The following PALD1 variants were observed in gnomAD, a reference collection of about 807,000 sequenced individuals.
PALD1 encodes phosphatase domain containing paladin 1.
In PALD1, 57 loss-of-function variants were observed where a neutral mutation model predicts 96.0. The ratio of observed to expected loss-of-function variants is 0.59; its 90% CI spans 0.48 to 0.74. The LOEUF is 0.74. Ranked by LOEUF, PALD1 falls within the 30% of genes least tolerant of loss-of-function variation. The pLI is 0.00. For synonymous variants in PALD1, 464 were observed against 473.6 expected (o/e 0.98, Z 0.26); for missense variants, 1,063 against 1,143.7 (o/e 0.93, Z 1.02).
chr10:70,508,818 TGC>T (rs1491085634), intron 1 of PALD1, among the ~76,000 whole-genome samples: 22 of 117,026 alleles, frequency 1.9e-4, no homozygotes, highest in East Asian at 5.0e-4. Context: ...TGTGTGTGTG[TGC>T]AGGCCTGTGG....
chr10:70,560,001 G>A (rs894814357), intron 18 of PALD1, among the ~76,000 whole-genome samples: 4 of 152,194 alleles, frequency 2.6e-5, no homozygotes, highest in African/African-American at 9.7e-5. Context: ...GGAGAAGGGG[G>A]AGGTGTAAAC....
At chr10:70,542,856 C>T (rs534934961) in intron 17 of PALD1, among the ~76,000 whole-genome samples, 2 of 152,234 alleles carry the variant, frequency 1.3e-5, no homozygotes, top group South Asian at 4.2e-4. Flanking sequence ...TGCTGTTTGC[C>T]GCAGTATATG....
chr10:70,462,912 G>A, the PALD1 span, among the ~76,000 whole-genome samples: 1 of 152,212 alleles, frequency 6.6e-6, no homozygotes, highest in African/African-American at 2.4e-5. Context: ...CCCAGCCCTG[G>A]GAACTGGGAG....
chr10:70,524,639 C>T (rs1313712326), intron 1 of PALD1, among the ~76,000 whole-genome samples: 1 of 152,210 alleles, frequency 6.6e-6, no homozygotes, highest in Non-Finnish European at 1.5e-5. Flanking sequence ...CATCCTGATG[C>T]CCTTTCGTGA....
At chr10:70,564,667 G>C (rs1018897642) in intron 19 of PALD1, 148 bp downstream of exon 19, 1 of 729,278 alleles carries the variant, frequency 1.4e-6, no homozygotes, top group Admixed American at 2.8e-5. Context: ...GGAGGCTTCT[G>C]TTTGGCCAAG....
Position 70,564,463 on chromosome 10 carries a change from C to T in PALD1, c.2362C>T (p.Leu788Phe), listed in dbSNP as rs1456291264. 3 of 1,614,160 alleles carry T rather than the reference C, an allele frequency of 1.9e-6. No individual in the cohort carries two copies. Among genetic ancestry groups the T allele is most frequent in the Non-Finnish European group, 2.5e-6 (3 of 1,180,018 alleles). Residue 788 changes from leucine to phenylalanine, a missense_variant, in exon 19 of 20, where the codon CTC becomes TTC. Transcript: ENST00000263563. ...CTGCCTGATTCTCTTCAACGCGTAC[C>T]TCCACCTGGAGAAGGCCGACTCCTG... Reference protein sequence around the residue: ...YVCLILFNAYLHLEKADSWQR... With the variant: ...YVCLILFNAYFHLEKADSWQR...
At chr10:70,461,794 T>C in the PALD1 span, among the ~76,000 whole-genome samples, 1 of 152,146 alleles carries the variant, frequency 6.6e-6, no homozygotes, top group Non-Finnish European at 1.5e-5. Context: ...TTGTTTTTTG[T>C]TTTTGTTTTC....
At chr10:70,511,682 G>A (rs755101749) in intron 1 of PALD1, among the ~76,000 whole-genome samples, 1 of 152,198 alleles carries the variant, frequency 6.6e-6, no homozygotes, top group African/African-American at 2.4e-5. Flanking sequence ...GAAGGCAGAA[G>A]GGCAGGTGAG....
rs751860432 is a variant in PALD1, at chr10:70,566,743, C to A, written c.*10C>A. 5.1e-6 allele frequency: 8 copies of A among 1,563,542 alleles called. No individual in the cohort carries two copies. The African/African-American group carries it at 8.1e-5, about 16-fold the overall frequency. On this transcript the variant is annotated 3_prime_UTR_variant, in exon 20 of 20. Transcript: ENST00000263563. ...CGAGGACTTGCTGTAGGGGGCCTTA[C>A]TCCCTGTCCCCCCACCCACAGGGCC...
At chr10:70,562,452 G>A (rs879704527) in intron 18 of PALD1, among the ~76,000 whole-genome samples, 11 of 152,232 alleles carry the variant, frequency 7.2e-5, no homozygotes, top group Admixed American at 2.0e-4. Context: ...ACTGTGCCAC[G>A]TCTGAGGCCG....
intron 1 of PALD1, among the ~76,000 whole-genome samples, chr10:70,516,743 C>T (rs1340454299): frequency 6.6e-6 from 1 of 151,710 alleles, no homozygotes; most frequent in African/African-American, 2.4e-5. Flanking sequence ...CTATCTTTGG[C>T]AGAGACAGCG....
chr10:70,463,669 C>CAA, the PALD1 span, among the ~76,000 whole-genome samples: 1 of 150,998 alleles, frequency 6.6e-6, no homozygotes, highest in South Asian at 2.1e-4. Flanking sequence ...AACAAACAGG[C>CAA]AAAAAAAACC....
At chr10:70,474,866 G>A (rs572643463), upstream of PALD1, among the ~76,000 whole-genome samples, 1 of 152,292 alleles carries the variant, frequency 6.6e-6, no homozygotes, top group African/African-American at 2.4e-5. Flanking sequence ...GCAGGGAAGG[G>A]AGGGGAAGGA....
chr10:70,458,748 C>G, the PALD1 span, among the ~76,000 whole-genome samples: 1 of 152,230 alleles, frequency 6.6e-6, no homozygotes, highest in African/African-American at 2.4e-5. Context: ...TTACCCAGGG[C>G]TCTGCCCTCA....
At chr10:70,550,445 C>T (rs1005249215) in intron 18 of PALD1, among the ~76,000 whole-genome samples, 3 of 152,090 alleles carry the variant, frequency 2.0e-5, no homozygotes, top group Non-Finnish European at 4.4e-5. Flanking sequence ...CTGATGCTGG[C>T]GGGGACCACA....
intron 18 of PALD1, among the ~76,000 whole-genome samples, chr10:70,551,521 C>G (rs1352501106): frequency 6.6e-6 from 1 of 152,160 alleles, no homozygotes; most frequent in Non-Finnish European, 1.5e-5. Context: ...TGAAGTTTTC[C>G]AAAATCCCAA....
At chr10:70,538,481 G>A in intron 12 of PALD1, 73 bp downstream of exon 12, 1 of 1,488,114 alleles carries the variant, frequency 6.7e-7, no homozygotes. Context: ...CTGGATTCCT[G>A]TAGGGTTGGG....
Position 70,525,303 on chromosome 10 carries a change from C to T in PALD1, c.-29-620C>T, listed in dbSNP as rs574279122. Among the ~76,000 whole-genome samples the T allele has an allele frequency of 1.4e-4, 22 of 152,238 alleles. 1 individual carries two copies. The highest frequency in any genetic ancestry group is 5.3e-4 in the African/African-American group (22 of 41,530). ...CTGGGATTATAGGCATGAGCCACTG[C>T]ACCCGGCCACCAATTCAGATATTGA... is the stretch of plus-strand genomic sequence containing the variant. On this transcript the variant is annotated intron_variant, in intron 1 of 19. Coordinates refer to ENST00000263563, the MANE Select transcript of PALD1 (RefSeq NM_014431.3).
the PALD1 span, among the ~76,000 whole-genome samples, chr10:70,469,311 G>A: frequency 6.6e-6 from 1 of 152,152 alleles, no homozygotes; most frequent in South Asian, 2.1e-4. Flanking sequence ...AGGGCTGGGC[G>A]GAGCCTGGGA....
Sources: gnomAD v4.1 joint callset for allele counts (sites outside exome capture counted in the v4.1 genomes callset) on GRCh38, gnomAD v4.1.1 for gene constraint, MANE v1.5 for transcripts, NCBI Gene and HGNC (gene_info 2026-07-23, HGNC 2026-07-21) for gene names.